MYO10: variants seen among roughly 807,000 people sequenced by gnomAD.
MYO10 encodes the protein unconventional myosin-X.
A neutral mutation model predicts 257.3 loss-of-function variants in MYO10; 133 were observed. The observed-to-expected ratio is 0.52, with a 90% CI of 0.45 to 0.60. MYO10 has a LOEUF of 0.60. Ranked by LOEUF, MYO10 falls within the 20% of genes least tolerant of loss-of-function variation. MYO10 has a pLI of 0.00. For synonymous variants in MYO10, 1,104 were observed against 1,028.6 expected, an observed-to-expected ratio of 1.07 and a Z score of -1.40; for missense variants, 2,399 against 2,635.7, an observed-to-expected ratio of 0.91 and a Z score of 1.97.
At chr5:16,671,620 T>C in intron 37 of MYO10, 78 bp from the exon 38 acceptor site, 2 of 1,548,608 alleles carry the variant, frequency 1.3e-6, no homozygotes, top group East Asian at 2.3e-5. Context: ...TGACTTTACA[T>C]GGTGTATTCT....
At chr5:16,868,811 T>C (rs1403953904) in intron 2 of MYO10, among the ~76,000 whole-genome samples, 2 of 152,196 alleles carry the variant, frequency 1.3e-5, no homozygotes, top group Non-Finnish European at 2.9e-5. Context: ...ACAGCAAGTA[T>C]AAGTTACAAG....
At chr5:16,885,054 C>T (rs1174933840) in intron 1 of MYO10, among the ~76,000 whole-genome samples, 2 of 152,064 alleles carry the variant, frequency 1.3e-5, no homozygotes, top group South Asian at 2.1e-4. Flanking sequence ...TCATTAAAAC[C>T]GGGTACACAG....
chr5:16,684,189 A>C (rs779472247), intron 29 of MYO10, among the ~76,000 whole-genome samples: 1 of 152,124 alleles, frequency 6.6e-6, no homozygotes, highest in East Asian at 1.9e-4. Flanking sequence ...TCAATAATTT[A>C]TTTCTTTGTT....
chr5:16,690,782 G>A (rs1737463691), intron 27 of MYO10, among the ~76,000 whole-genome samples: 1 of 151,946 alleles, frequency 6.6e-6, no homozygotes, highest in South Asian at 2.1e-4. Context: ...AGGATTTGGG[G>A]TGTTTGGTCT....
intron 22 of MYO10, 62 bp downstream of exon 22, chr5:16,704,517 C>G: frequency 1.4e-6 from 2 of 1,419,074 alleles, no homozygotes; most frequent in Middle Eastern, 1.8e-4. Flanking sequence ...CTGGAACACA[C>G]TGGGAAGGAA....
chr5:16,893,537 G>A (rs1318870058), intron 1 of MYO10, among the ~76,000 whole-genome samples: 1 of 151,400 alleles, frequency 6.6e-6, no homozygotes, highest in Non-Finnish European at 1.5e-5. Context: ...AGCAGGCTGA[G>A]GTGGGAGAAT....
intron 19 of MYO10, among the ~76,000 whole-genome samples, chr5:16,729,971 G>T (rs987808451): frequency 1.3e-5 from 2 of 152,132 alleles, no homozygotes; most frequent in Non-Finnish European, 2.9e-5. Flanking sequence ...CTAATTAAAG[G>T]AAGAGGGGCA....
At chr5:16,823,638 A>AT (rs550131240) in intron 2 of MYO10, among the ~76,000 whole-genome samples, 2,077 of 149,260 alleles carry the variant, frequency 0.014, 31 homozygotes, top group South Asian at 0.019. Context: ...CGCCCAGCTC[A>AT]TTTTTTTTGT....
chr5:16,735,898 A>G (rs949084238), intron 19 of MYO10, among the ~76,000 whole-genome samples: 1 of 151,980 alleles, frequency 6.6e-6, no homozygotes, highest in African/African-American at 2.4e-5. Context: ...TCTTTCCTAC[A>G]TTTTTGCACC....
chr5:16,930,493 G>C lies in MYO10; in HGVS notation c.21+5295C>G, dbSNP rs149843329. Among the ~76,000 whole-genome samples, 21 of 152,294 alleles carry C rather than the reference G, an allele frequency of 1.4e-4. No homozygotes were observed. The East Asian group carries it at 3.7e-3, about 27-fold the overall frequency. Reference sequence around the variant, plus strand: ...TGCCAGAAATGTACAGGCTGAAAAAGAGAAAACAAATAAATGCAACGCACC... The same window carrying C: ...TGCCAGAAATGTACAGGCTGAAAAACAGAAAACAAATAAATGCAACGCACC... On this transcript the variant is annotated intron_variant, in intron 1 of 40. Transcript: ENST00000513610.
intron 19 of MYO10, among the ~76,000 whole-genome samples, chr5:16,740,954 G>A (rs548357146): frequency 4.6e-5 from 7 of 151,136 alleles, no homozygotes; most frequent in East Asian, 1.9e-4. Context: ...TCTACGCGAC[G>A]AAAGCAGATT....
intron 1 of MYO10, among the ~76,000 whole-genome samples, chr5:16,927,626 T>C (rs1225977261): frequency 6.6e-6 from 1 of 152,120 alleles, no homozygotes; most frequent in East Asian, 1.9e-4. Flanking sequence ...GCCCGGCCTT[T>C]AACTGCCGTA....
chr5:16,812,256 A>G (rs1429512005), intron 3 of MYO10, among the ~76,000 whole-genome samples: 1 of 152,198 alleles, frequency 6.6e-6, no homozygotes, highest in Non-Finnish European at 1.5e-5. Context: ...GGTTCCAGGA[A>G]GAGAATCTAA....
rs947407257 is a variant in MYO10, at chr5:16,672,684, C to T, written c.5309+5G>A. On this transcript the variant is annotated splice_donor_5th_base_variant and intron_variant, in intron 37 of 40. Transcript: ENST00000513610. ...CTTCTGACACAGTAGGGAAAAGGAA[C>T]CTACTTTTCAAACTTGGCTAAGACA... 2 of 1,613,836 alleles carry T rather than the reference C, an allele frequency of 1.2e-6. No homozygotes were observed. Among genetic ancestry groups the T allele is most frequent in the Non-Finnish European group, 1.7e-6 (2 of 1,179,852 alleles).
chr5:16,766,163 G>A lies in MYO10; in HGVS notation c.1096C>T (p.Pro366Ser). Residue 366 changes from proline to serine, a missense_variant, in exon 11 of 41, where the codon CCA (proline) becomes TCA (serine). Pro to Ser is a moderately conservative substitution (Grantham distance 74). Coordinates refer to ENST00000513610, the MANE Select transcript of MYO10 (RefSeq NM_012334.3). The part of the protein sequence containing the change: ...GRSAELLGLD[P>S]TQLTDALTQR... The stretch of plus-strand genomic sequence containing the variant: ...GTCAAAGCATCTGTGAGCTGTGTTG[G>A]GTCCAGCCCAAGTAACTCCGCAGAT... 1 of 1,613,806 alleles carries A rather than the reference G, an allele frequency of 6.2e-7. No homozygotes were observed. Among genetic ancestry groups the A allele is most frequent in the Non-Finnish European group, 8.5e-7 (1 of 1,179,826 alleles).
chr5:16,895,747 C>T (rs1745197210), intron 1 of MYO10, among the ~76,000 whole-genome samples: 4 of 130,060 alleles, frequency 3.1e-5, no homozygotes, highest in African/African-American at 5.7e-5. Flanking sequence ...CCCTCCCCAA[C>T]ACCACAACAC....
In MYO10 at chr5:16,935,957, T is replaced by A; in HGVS notation, c.-149A>T. Reference sequence around the variant, plus strand: ...CCCCTGCTGCCATCGCCCGGTCCCTTCTTGTCCTTCTCACCTTTTGTTCGC... The same window carrying A: ...CCCCTGCTGCCATCGCCCGGTCCCTACTTGTCCTTCTCACCTTTTGTTCGC... On this transcript the variant is annotated 5_prime_UTR_variant, in exon 1 of 41. Transcript: ENST00000513610. 1.1e-6 allele frequency: 1 copy of A among 897,566 alleles called. No homozygotes were observed. Among genetic ancestry groups the A allele is most frequent in the South Asian group, 1.6e-5 (1 of 62,678 alleles). The allele number at this position is 897,566 out of a possible 1,614,324, so 55.6% of individuals were successfully genotyped here. A position where few individuals can be genotyped will look rare whatever the true frequency, so the allele number is the denominator to read the frequency against.
chr5:16,824,171 T>C (rs1228494978), intron 2 of MYO10, among the ~76,000 whole-genome samples: 1 of 152,108 alleles, frequency 6.6e-6, no homozygotes, highest in Non-Finnish European at 1.5e-5. Flanking sequence ...CTTTTCCAAC[T>C]GAAGGGAAAT....
At chr5:16,672,927 A>G in intron 36 of MYO10, 102 bp from the exon 37 acceptor site, 1 of 1,358,964 alleles carries the variant, frequency 7.4e-7, no homozygotes, top group South Asian at 1.4e-5. Context: ...TGCTGGCACA[A>G]GGGCGTCTCC....
Sources: gnomAD v4.1 joint callset for allele counts (sites outside exome capture counted in the v4.1 genomes callset) on GRCh38, gnomAD v4.1.1 for gene constraint, MANE v1.5 for transcripts, NCBI Gene and HGNC (gene_info 2026-07-23, HGNC 2026-07-21) for gene names.